Variants in RNF13 observed in about 807,000 individuals in gnomAD.
RNF13 encodes E3 ubiquitin-protein ligase RNF13.
RNF13 carries 19 observed loss-of-function variants against 37.7 expected under a neutral mutation model. The ratio of observed to expected loss-of-function variants is 0.50; its 90% CI spans 0.35 to 0.74. The LOEUF (loss-of-function observed/expected upper bound fraction) is 0.74. Among genes scored for constraint, RNF13 ranks in the 30% least tolerant of loss-of-function variants. The probability of loss-of-function intolerance (pLI) is 0.01; values close to 1 mark genes in which losing one functional copy is unlikely to be tolerated. For missense variants in RNF13, 375 were observed against 453.0 expected, an observed-to-expected ratio of 0.83 and a Z score of 1.56; for synonymous variants, 144 against 157.8, an observed-to-expected ratio of 0.91 and a Z score of 0.65.
intron 1 of RNF13, among the ~76,000 whole-genome samples, chr3:149,826,582 A>G (rs905736748): frequency 1.3e-5 from 2 of 152,010 alleles, no homozygotes; most frequent in East Asian, 1.9e-4. Context: ...GATTTCTCTT[A>G]ATATTTTCGT....
chr3:149,920,051 G>T (rs1006548468), intron 7 of RNF13, among the ~76,000 whole-genome samples: 3 of 152,168 alleles, frequency 2.0e-5, no homozygotes, highest in Non-Finnish European at 4.4e-5. Context: ...CTTGTATAGT[G>T]AAGTATCTTC....
At position 149,962,062 on chromosome 3, in the gene RNF13, C is replaced by G. The variant is rs1445594680; in HGVS notation, c.*958C>G. Reference sequence around the variant, plus strand: ...TGTAGACTAATGTATAATCAAAATGCTAAGGATTTTTATATGGCCTTGTAT... The same window carrying G: ...TGTAGACTAATGTATAATCAAAATGGTAAGGATTTTTATATGGCCTTGTAT... On this transcript the variant is annotated 3_prime_UTR_variant, in exon 10 of 10. Coordinates refer to ENST00000392894, the MANE Select transcript of RNF13 (RefSeq NM_183381.3). 2.6e-5 allele frequency: 4 copies of G among 152,582 alleles called. No individual in the cohort carries two copies. The highest frequency in any genetic ancestry group is 5.9e-5 in the Non-Finnish European group (4 of 68,020). The allele number at this position is 152,582 out of a possible 1,614,324, so 9.5% of individuals were successfully genotyped here. A position where few individuals can be genotyped will look rare whatever the true frequency, so the allele number is the denominator to read the frequency against.
chr3:149,934,565 T>A (rs190946888), intron 8 of RNF13, among the ~76,000 whole-genome samples: 1 of 152,072 alleles, frequency 6.6e-6, no homozygotes, highest in African/African-American at 2.4e-5. Context: ...CTCAAAAAAA[T>A]TTTTAGATTT....
chr3:149,829,123 A>C (rs764319714), intron 1 of RNF13, among the ~76,000 whole-genome samples: 1 of 152,126 alleles, frequency 6.6e-6, no homozygotes, highest in Admixed American at 6.6e-5. Flanking sequence ...TCTTTTTGAG[A>C]TGGAGTCTTG....
At chr3:149,905,070 G>A (rs185210302) in intron 6 of RNF13, among the ~76,000 whole-genome samples, 227 of 152,240 alleles carry the variant, frequency 1.5e-3, no homozygotes, top group African/African-American at 5.3e-3. Flanking sequence ...ATAACCTTAT[G>A]CCTAAGTGTT....
At chr3:149,853,070 G>T (rs1576765064) in intron 3 of RNF13, among the ~76,000 whole-genome samples, 3 of 152,038 alleles carry the variant, frequency 2.0e-5, no homozygotes, top group Admixed American at 2.0e-4. Context: ...TGTAACAGCT[G>T]CATGGTTTTG....
intron 8 of RNF13, among the ~76,000 whole-genome samples, chr3:149,947,642 C>T (rs561188958): frequency 4.6e-5 from 7 of 152,146 alleles, no homozygotes; most frequent in East Asian, 1.9e-4. Flanking sequence ...TCTGGTGATC[C>T]GACCGCCTGG....
chr3:149,839,011 G>A (rs1466605041), intron 1 of RNF13, among the ~76,000 whole-genome samples: 8 of 49,904 alleles, frequency 1.6e-4, no homozygotes, highest in Non-Finnish European at 2.4e-4. Flanking sequence ...AATTTCTTCC[G>A]CCAGATACCC....
chr3:149,824,615 TG>T (rs1334309582), intron 1 of RNF13, among the ~76,000 whole-genome samples: 2 of 151,816 alleles, frequency 1.3e-5, no homozygotes, highest in African/African-American at 4.8e-5. Context: ...AAAAAATATA[TG>T]GTTTTTTTTT....
chr3:149,896,157 A>G (rs1715238167), intron 5 of RNF13, among the ~76,000 whole-genome samples: 1 of 152,326 alleles, frequency 6.6e-6, no homozygotes, highest in Non-Finnish European at 1.5e-5. Flanking sequence ...TGTAGTTTCT[A>G]TTACTCAGGG....
intron 8 of RNF13, among the ~76,000 whole-genome samples, chr3:149,941,394 G>C (rs1386472692): frequency 6.6e-6 from 1 of 152,068 alleles, no homozygotes; most frequent in Non-Finnish European, 1.5e-5. Flanking sequence ...GTGAGTATGA[G>C]TCGATATCTC....
intron 8 of RNF13, among the ~76,000 whole-genome samples, chr3:149,952,851 G>A (rs1020663983): frequency 2.0e-5 from 3 of 152,066 alleles, no homozygotes; most frequent in Non-Finnish European, 4.4e-5. Context: ...CACCTGCCTC[G>A]ACCTCCCAGA....
intron 1 of RNF13, among the ~76,000 whole-genome samples, chr3:149,829,142 C>A (rs1720786817): frequency 6.6e-6 from 1 of 152,152 alleles, no homozygotes; most frequent in Admixed American, 6.5e-5. Flanking sequence ...TGCTTTGCCA[C>A]CCAGGCTGGT....
rs149872034 is a variant in RNF13 at position 149,835,903 on chromosome 3, T to C, written c.-16-10108T>C. The stretch of plus-strand genomic sequence containing the variant: ...ATTCCCAGTACTGGGATTGCTGGAT[T>C]CCCAGTACTGGGATTGCTGGATCAA... On this transcript the variant is annotated intron_variant, in intron 1 of 9. Transcript: ENST00000392894. Among the ~76,000 whole-genome samples the C allele has an allele frequency of 1.4e-3, 175 of 121,518 alleles. 2 individuals are homozygous for C. The East Asian group carries it at 0.016, about 11-fold the overall frequency. 79.7% of individuals were successfully genotyped at this position (121,518 alleles called of 152,430 possible). A position where few individuals can be genotyped will look rare whatever the true frequency, so the allele number is the denominator to read the frequency against.
chr3:149,827,983 T>C, intron 1 of RNF13, among the ~76,000 whole-genome samples: 1 of 151,636 alleles, frequency 6.6e-6, no homozygotes, highest in East Asian at 1.9e-4. Context: ...GTTGTTATAA[T>C]CAATGGGAAT....
chr3:149,823,990 G>A (rs888644979), intron 1 of RNF13, among the ~76,000 whole-genome samples: 7 of 152,130 alleles, frequency 4.6e-5, no homozygotes, highest in Admixed American at 3.9e-4. Flanking sequence ...GGCAGGAAAA[G>A]TACAAGGCAG....
At chr3:149,864,038 T>G (rs973700155) in intron 3 of RNF13, among the ~76,000 whole-genome samples, 1 of 97,378 alleles carries the variant, frequency 1.0e-5, no homozygotes, top group Non-Finnish European at 2.0e-5. Flanking sequence ...TTTTTTTTTT[T>G]TTAGAATGAT....
intron 4 of RNF13, among the ~76,000 whole-genome samples, chr3:149,874,266 A>G (rs1467712493): frequency 1.3e-5 from 2 of 152,166 alleles, no homozygotes; most frequent in African/African-American, 4.8e-5. Context: ...AGAGTTGTAT[A>G]AATTTCTGGA....
At position 149,872,161 on chromosome 3, in the gene RNF13, T is replaced by G; in HGVS notation, c.321+7T>G. The G allele has an allele frequency of 6.6e-7, 1 of 1,522,260 alleles. No homozygotes were observed. The highest frequency in any genetic ancestry group is 8.9e-7 in the Non-Finnish European group (1 of 1,124,184). 94.3% of individuals were successfully genotyped at this position (1,522,260 alleles called of 1,614,324 possible). On this transcript the variant is annotated splice_region_variant and intron_variant, in intron 4 of 9. Transcript: ENST00000392894. ...TTGTAATTTTGATATAAAGGTATGA[T>G]TATCTTTTTTCATTTTTTGTTTCCT...
Sources: allele counts gnomAD v4.1 joint callset (sites outside exome capture counted in the v4.1 genomes callset), GRCh38; gene constraint gnomAD v4.1.1; transcripts MANE v1.5; gene names NCBI Gene and HGNC (gene_info 2026-07-23, HGNC 2026-07-21).